MSI2: variants seen among roughly 807,000 people sequenced by gnomAD.
The protein encoded by MSI2 is RNA-binding protein Musashi homolog 2.
In MSI2, 17 loss-of-function variants were observed where a neutral mutation model predicts 45.6. The ratio of observed to expected loss-of-function variants is 0.37; its 90% confidence interval spans 0.26 to 0.56. The LOEUF is 0.56. Ranked by LOEUF, MSI2 falls within the 20% of genes least tolerant of loss-of-function variation. The probability of loss-of-function intolerance (pLI) is 0.77; values close to 1 mark genes in which losing one functional copy is unlikely to be tolerated. For synonymous variants in MSI2, 156 were observed against 158.2 expected (o/e 0.99, Z 0.11); for missense variants, 293 against 444.2 (o/e 0.66, Z 3.06).
At chr17:57,329,356 G>A (rs1914069078) in intron 5 of MSI2, among the ~76,000 whole-genome samples, 1 of 152,188 alleles carries the variant, frequency 6.6e-6, no homozygotes, top group Admixed American at 6.5e-5. Context: ...GTAATATTTT[G>A]CATTCCCAAG....
intron 8 of MSI2, chr17:57,608,491 C>G (rs1324723458): frequency 6.6e-6 from 1 of 152,420 alleles, no homozygotes; most frequent in Non-Finnish European, 1.5e-5. Context: ...GGTTCCACCC[C>G]CTCTCCTTGT....
intron 6 of MSI2, among the ~76,000 whole-genome samples, chr17:57,417,798 A>C (rs2143261610): frequency 6.6e-6 from 1 of 152,360 alleles, no homozygotes; most frequent in South Asian, 2.1e-4. Context: ...AGCTGAAGTC[A>C]GTGGTTTTCT....
intron 6 of MSI2, among the ~76,000 whole-genome samples, chr17:57,460,591 A>G (rs2085207382): frequency 6.6e-6 from 1 of 152,118 alleles, no homozygotes. Context: ...GAGAGTACTA[A>G]TGGGACATGA....
intron 7 of MSI2, among the ~76,000 whole-genome samples, chr17:57,532,871 C>A (rs1442817506): frequency 6.6e-6 from 1 of 152,260 alleles, no homozygotes; most frequent in Non-Finnish European, 1.5e-5. Flanking sequence ...ACTCCTAGCC[C>A]AGCCCTGTGG....
At position 57,549,621 on chromosome 17, in the gene MSI2, A is replaced by G. The variant is rs563017914; in HGVS notation, c.454+19897A>G. Among the ~76,000 whole-genome samples the G allele has an allele frequency of 5.3e-5, 8 of 152,290 alleles. No homozygotes were observed. The South Asian group carries it at 1.7e-3, about 32-fold the overall frequency. ...TTGTAGGCACTGCTGAGGCTTTTTC[A>G]TACATCCCCACATTTAATGTTTACA... On this transcript the variant is annotated intron_variant, in intron 7 of 13. Transcript: ENST00000284073.
intron 5 of MSI2, among the ~76,000 whole-genome samples, chr17:57,344,939 T>G (rs557942286): frequency 1.3e-5 from 2 of 150,166 alleles, no homozygotes; most frequent in South Asian, 4.2e-4. Flanking sequence ...GGCATGTGCC[T>G]GTAATCCCAG....
At chr17:57,642,902 A>C (rs574700250) in intron 10 of MSI2, among the ~76,000 whole-genome samples, 2 of 152,270 alleles carry the variant, frequency 1.3e-5, no homozygotes, top group Non-Finnish European at 2.9e-5. Context: ...CAGCGGTAGA[A>C]TGGGCCCAGG....
At chr17:57,674,349 G>T (rs967365866) in intron 11 of MSI2, among the ~76,000 whole-genome samples, 1 of 151,078 alleles carries the variant, frequency 6.6e-6, no homozygotes, top group African/African-American at 2.4e-5. Flanking sequence ...AAACAAATTT[G>T]TCATTTAATG....
At chr17:57,454,544 C>T (rs1322547948) in intron 6 of MSI2, among the ~76,000 whole-genome samples, 2 of 149,812 alleles carry the variant, frequency 1.3e-5, no homozygotes, top group East Asian at 2.0e-4. Context: ...CCAGGCGATT[C>T]TCCTGCCTCA....
intron 5 of MSI2, among the ~76,000 whole-genome samples, chr17:57,361,511 G>A (rs115623746): frequency 0.018 from 2,661 of 151,856 alleles, 97 homozygotes; most frequent in African/African-American, 0.062. Flanking sequence ...GGATACTGAG[G>A]TGGGAGGATG....
chr17:57,431,326 C>T (rs1251751641), intron 6 of MSI2, among the ~76,000 whole-genome samples: 1 of 152,214 alleles, frequency 6.6e-6, no homozygotes, highest in Non-Finnish European at 1.5e-5. Context: ...ATGTGGGTGG[C>T]ACCAGCTCCT....
At chr17:57,398,020 G>C (rs1456767637) in intron 5 of MSI2, among the ~76,000 whole-genome samples, 1 of 152,140 alleles carries the variant, frequency 6.6e-6, no homozygotes, top group East Asian at 1.9e-4. Flanking sequence ...TGTTTTAAAG[G>C]CCTTTTGGGG....
chr17:57,673,319 A>G (rs1479850132), intron 11 of MSI2, among the ~76,000 whole-genome samples: 5 of 152,258 alleles, frequency 3.3e-5, no homozygotes, highest in Non-Finnish European at 5.9e-5. Flanking sequence ...GGGAGGGGCC[A>G]AAGCCAGGAG....
At chr17:57,605,456 A>G (rs563044780) in intron 8 of MSI2, among the ~76,000 whole-genome samples, 29 of 152,278 alleles carry the variant, frequency 1.9e-4, no homozygotes, top group South Asian at 1.2e-3. Context: ...TCTCCTCAGT[A>G]TCTCAGCACC....
At chr17:57,318,126 G>A (rs1913007066) in intron 5 of MSI2, among the ~76,000 whole-genome samples, 1 of 152,196 alleles carries the variant, frequency 6.6e-6, no homozygotes, top group Admixed American at 6.5e-5. Flanking sequence ...TCCAACCTGG[G>A]TGACAGAGGG....
chr17:57,649,170 A>G (rs1326747666), intron 10 of MSI2, among the ~76,000 whole-genome samples: 2 of 152,114 alleles, frequency 1.3e-5, no homozygotes, highest in African/African-American at 4.8e-5. Flanking sequence ...ACACATCTAC[A>G]TATACCCAAC....
chr17:57,675,732 C>T (rs1472069458), intron 12 of MSI2, among the ~76,000 whole-genome samples: 1 of 152,188 alleles, frequency 6.6e-6, no homozygotes, highest in Non-Finnish European at 1.5e-5. Flanking sequence ...ATGTTTCTTA[C>T]AGTTTCCAGG....
At chr17:57,346,040 A>G (rs1389478545) in intron 5 of MSI2, among the ~76,000 whole-genome samples, 6 of 152,196 alleles carry the variant, frequency 3.9e-5, no homozygotes, top group African/African-American at 1.4e-4. Flanking sequence ...GTGAGAGATG[A>G]AAAATGTTAG....
intron 9 of MSI2, among the ~76,000 whole-genome samples, chr17:57,624,186 A>C (rs1206981022): frequency 6.6e-6 from 1 of 152,208 alleles, no homozygotes; most frequent in Non-Finnish European, 1.5e-5. Context: ...CCCTGAGGGA[A>C]GGTGACACAT....
Sources: gnomAD v4.1 joint callset for allele counts (sites outside exome capture counted in the v4.1 genomes callset) on GRCh38, gnomAD v4.1.1 for gene constraint, MANE v1.5 for transcripts, NCBI Gene and HGNC (gene_info 2026-07-23, HGNC 2026-07-21) for gene names.